The following ADGRB1 variants were observed in gnomAD, a reference collection of about 807,000 sequenced individuals.
ADGRB1 encodes adhesion G protein-coupled receptor B1.
Under a neutral mutation model 175.7 loss-of-function variants are expected in ADGRB1, and 36 were observed. The ratio of observed to expected loss-of-function variants is 0.20; its 90% CI spans 0.16 to 0.27. The LOEUF (loss-of-function observed/expected upper bound fraction) is 0.27, where lower values mean the gene tolerates loss of function less well. Among genes scored for constraint, ADGRB1 ranks in the 10% least tolerant of loss-of-function variants. The pLI, the probability that ADGRB1 is intolerant of heterozygous loss-of-function variation, is 1.00. For missense variants in ADGRB1, 1,731 were observed against 2,255.3 expected (o/e 0.77, Z 4.71); for synonymous variants, 1,054 against 979.4 (o/e 1.08, Z -1.42).
intron 24 of ADGRB1, among the ~76,000 whole-genome samples, chr8:142,533,037 T>C (rs1844715545): frequency 6.6e-6 from 1 of 151,826 alleles, no homozygotes; most frequent in African/African-American, 2.4e-5. Context: ...GGGCAAGGGC[T>C]TGAGAGGGGA....
At chr8:142,524,891 T>C (rs1191018608) in intron 23 of ADGRB1, among the ~76,000 whole-genome samples, 1 of 152,004 alleles carries the variant, frequency 6.6e-6, no homozygotes, top group Non-Finnish European at 1.5e-5. Context: ...GGGACCCGCC[T>C]GGGGTCACTG....
intron 24 of ADGRB1, among the ~76,000 whole-genome samples, chr8:142,528,513 C>T (rs1323464918): frequency 1.3e-5 from 2 of 152,158 alleles, no homozygotes; most frequent in Admixed American, 1.3e-4. Context: ...AGGGCGCTTG[C>T]TTTCGTTTCA....
At position 142,492,617 on chromosome 8, in the gene ADGRB1, G is replaced by T. The variant is rs1016093625; in HGVS notation, c.2675+1802G>T. On this transcript the variant is annotated intron_variant, in intron 17 of 30. Transcript: ENST00000517894. The surrounding 1 kb of genome is among the most constrained non-coding windows in gnomAD (Gnocchi z 4.4). ...GATTGGCAGGTCACACCAGGCTCCTGCCTTCTCTGCACCCCACATGGTGGA... is the reference window on the plus strand; with the variant it reads ...GATTGGCAGGTCACACCAGGCTCCTTCCTTCTCTGCACCCCACATGGTGGA... Among the ~76,000 whole-genome samples the T allele has an allele frequency of 6.6e-6, 1 of 152,200 alleles. No individual in the cohort carries two copies. The highest frequency in any genetic ancestry group is 1.5e-5 in the Non-Finnish European group (1 of 68,032).
At chr8:142,452,734 G>C (rs1473035156) in intron 1 of ADGRB1, among the ~76,000 whole-genome samples, 1 of 152,110 alleles carries the variant, frequency 6.6e-6, no homozygotes, top group Non-Finnish European at 1.5e-5. Context: ...CAAGCGCCCG[G>C]GGTCCGAGCA....
intron 22 of ADGRB1, 122 bp downstream of exon 22, chr8:142,522,832 C>G: frequency 8.6e-7 from 1 of 1,162,472 alleles, no homozygotes; most frequent in East Asian, 3.2e-5. Context: ...CTCACAGAGG[C>G]TCAGGGAGGG....
chr8:142,479,541 C>T (rs1270033321), intron 8 of ADGRB1, 54 bp downstream of exon 8: 18 of 1,505,512 alleles, frequency 1.2e-5, no homozygotes, highest in Middle Eastern at 2.1e-4. Flanking sequence ...GGCGATTGGG[C>T]GGGCTTGGGC....
chr8:142,488,294 C>A, intron 13 of ADGRB1, 70 bp from the exon 14 acceptor site: 1 of 1,577,456 alleles, frequency 6.3e-7, no homozygotes, highest in Non-Finnish European at 8.6e-7. Flanking sequence ...TCAACTCCCG[C>A]AGCTGAGGCC....
At chr8:142,536,852 T>C (rs992591882) in intron 25 of ADGRB1, 135 bp from the exon 26 acceptor site, 12 of 621,504 alleles carry the variant, frequency 1.9e-5, no homozygotes, top group Non-Finnish European at 3.2e-5. Flanking sequence ...GGTGGCCCTG[T>C]GGGGAGGCCT....
chr8:142,449,909 C>G lies in ADGRB1; in HGVS notation c.-415C>G, dbSNP rs1839232337. On this transcript the variant is annotated 5_prime_UTR_variant, in exon 1 of 31. Transcript: ENST00000517894. Reference sequence around the variant, plus strand: ...CAGGCGCGGGGGAACGGGAGGGGGCCTGCGTGCGCCGGCGGGTGCTCTCCA... The same window carrying G: ...CAGGCGCGGGGGAACGGGAGGGGGCGTGCGTGCGCCGGCGGGTGCTCTCCA... 6.8e-6 allele frequency: 1 copy of G among 148,012 alleles called. No individual in the cohort carries two copies. The highest frequency in any genetic ancestry group is 2.5e-5 in the African/African-American group (1 of 40,704). The allele number at this position is 148,012 out of a possible 1,614,324, so 9.2% of individuals were successfully genotyped here. A position where few individuals can be genotyped will look rare whatever the true frequency, so the allele number is the denominator to read the frequency against.
intron 2 of ADGRB1, among the ~76,000 whole-genome samples, chr8:142,468,269 A>G (rs1167635574): frequency 6.6e-6 from 1 of 152,102 alleles, no homozygotes; most frequent in Non-Finnish European, 1.5e-5. Flanking sequence ...TGTGACATGC[A>G]TGCACGGTGT....
chr8:142,530,723 G>C (rs1180372597), intron 24 of ADGRB1, among the ~76,000 whole-genome samples: 1 of 152,190 alleles, frequency 6.6e-6, no homozygotes, highest in Non-Finnish European at 1.5e-5. Context: ...TGTGGCAGGG[G>C]CTGTGGGATC....
intron 27 of ADGRB1, among the ~76,000 whole-genome samples, chr8:142,540,221 G>T (rs1369031401): frequency 6.6e-6 from 1 of 152,254 alleles, no homozygotes; most frequent in Non-Finnish European, 1.5e-5. Context: ...CCCAGGTGGG[G>T]AGTGTGTGCT....
At position 142,504,063 on chromosome 8, in the gene ADGRB1, G is replaced by A. The variant is rs1485539333; in HGVS notation, c.2676-6869G>A. 6.6e-6 allele frequency among the ~76,000 whole-genome samples: 1 copy of A among 152,212 alleles called. No individual in the cohort carries two copies. The highest frequency in any genetic ancestry group is 6.5e-5 in the Admixed American group (1 of 15,294). On this transcript the variant is annotated intron_variant, in intron 17 of 30. Transcript: ENST00000517894. This position sits in a 1 kb window ranked among gnomAD's most constrained non-coding sequence, Gnocchi z 5.6. ...TCATCTGGCAAGCTGGGTTCAGTAA[G>A]ACCCAGGTCAGGCAGGTGTTCAAAT...
rs1276785952 is a variant in ADGRB1 at position 142,524,184 on chromosome 8, TCTCTGCACGCCC to T, written c.3246-45_3246-34del. 3.9e-5 allele frequency: 61 copies of T among 1,557,840 alleles called. 3 individuals are homozygous for T. The Admixed American group carries it at 4.5e-4, about 11-fold the overall frequency. On this transcript the variant is annotated intron_variant, in intron 22 of 30. Coordinates refer to ENST00000517894, the MANE Select transcript of ADGRB1 (RefSeq NM_001702.3). ...CTACTCCTGAGAGGCCGGCAGCACC[TCTCTGCACGCCC>T]CTCTGCACACGGGCGGTGCTGATGG...
At chr8:142,470,301 T>C (rs1840588400) in intron 2 of ADGRB1, among the ~76,000 whole-genome samples, 1 of 152,158 alleles carries the variant, frequency 6.6e-6, no homozygotes. Context: ...TTTTAAATAT[T>C]CATGTTTTAA....
At chr8:142,505,570 G>C (rs1056517361) in intron 17 of ADGRB1, among the ~76,000 whole-genome samples, 3 of 152,216 alleles carry the variant, frequency 2.0e-5, no homozygotes, top group South Asian at 2.1e-4. Context: ...TGGGTTTGGA[G>C]GGGTCTGCTG....
chr8:142,479,290 C>T (rs759864519), intron 7 of ADGRB1, 33 bp from the exon 8 acceptor site: 8 of 1,455,008 alleles, frequency 5.5e-6, no homozygotes, highest in Admixed American at 2.6e-5. Context: ...CCCTTCTTGT[C>T]GCCTGTGCCC....
At position 142,537,069 on chromosome 8, in the gene ADGRB1, A is replaced by T; in HGVS notation, c.3653A>T (p.His1218Leu). Residue 1218 changes from histidine to leucine, a missense_variant, in exon 26 of 31, where the codon CAC becomes CTC. His to Leu is a moderately conservative substitution (Grantham distance 99). Coordinates refer to ENST00000517894, the MANE Select transcript of ADGRB1 (RefSeq NM_001702.3). This position sits in a 1 kb window ranked among gnomAD's most constrained non-coding sequence, Gnocchi z 4.6. The part of the protein sequence containing the change: ...GDSGGSFQNG[H>L]AQLMTDFEKD... ...TCAGGGGGCTCCTTCCAGAACGGCCACGCCCAGCTCATGGTAGGACTCAGG... is the reference window on the plus strand; with the variant it reads ...TCAGGGGGCTCCTTCCAGAACGGCCTCGCCCAGCTCATGGTAGGACTCAGG... 1.9e-6 allele frequency: 3 copies of T among 1,559,702 alleles called. No individual in the cohort carries two copies. Among genetic ancestry groups the T allele is most frequent in the Non-Finnish European group, 2.6e-6 (3 of 1,152,966 alleles).
In ADGRB1 at chr8:142,493,245, G is replaced by A. The variant is rs927738654; in HGVS notation, c.2675+2430G>A. Among the ~76,000 whole-genome samples, 2 of 152,058 alleles carry A rather than the reference G, an allele frequency of 1.3e-5. No individual in the cohort carries two copies. Among genetic ancestry groups the A allele is most frequent in the Non-Finnish European group, 2.9e-5 (2 of 67,994 alleles). On this transcript the variant is annotated intron_variant, in intron 17 of 30. Coordinates refer to ENST00000517894, the MANE Select transcript of ADGRB1 (RefSeq NM_001702.3). The surrounding 1 kb of genome is among the most constrained non-coding windows in gnomAD (Gnocchi z 5.0). Reference sequence around the variant, plus strand: ...GCCGGGACAAGGACACTGCCCCAGGGACCCAACTGTGGCCGAAGAGGACAT... The same window carrying A: ...GCCGGGACAAGGACACTGCCCCAGGAACCCAACTGTGGCCGAAGAGGACAT...
Sources: allele counts gnomAD v4.1 joint callset (sites outside exome capture counted in the v4.1 genomes callset), GRCh38; gene constraint gnomAD v4.1.1; non-coding constraint Gnocchi (gnomAD v3.1); transcripts MANE v1.5; gene names NCBI Gene and HGNC (gene_info 2026-07-23, HGNC 2026-07-21).